The following ETV6 variants were observed in gnomAD, a reference collection of about 807,000 sequenced individuals.
ETV6 encodes the protein transcription factor ETV6.
ETV6 carries 16 observed loss-of-function variants against 51.1 expected under a neutral mutation model. The ratio of observed to expected loss-of-function variants is 0.31; its 90% CI spans 0.21 to 0.48. ETV6 has a LOEUF of 0.48. Among genes scored for constraint, ETV6 ranks in the 20% least tolerant of loss-of-function variants. The probability of loss-of-function intolerance (pLI) is 0.99; values close to 1 mark genes in which losing one functional copy is unlikely to be tolerated. For missense variants in ETV6, 458 were observed against 594.8 expected, an observed-to-expected ratio of 0.77 and a Z score of 2.39; for synonymous variants, 240 against 224.1, an observed-to-expected ratio of 1.07 and a Z score of -0.64.
At chr12:11,853,646 T>C in intron 4 of ETV6, 85 bp downstream of exon 4, 1 of 1,469,396 alleles carries the variant, frequency 6.8e-7, no homozygotes, top group Non-Finnish European at 9.4e-7. Flanking sequence ...CTGGTCTTCT[T>C]CGTGTAAGTT....
chr12:11,814,378 T>C (rs926746144), intron 2 of ETV6, among the ~76,000 whole-genome samples: 1 of 152,244 alleles, frequency 6.6e-6, no homozygotes, highest in Non-Finnish European at 1.5e-5. Context: ...TTCAATACTT[T>C]GGGTTCAAAC....
chr12:11,804,045 CTT>C (rs553242475), intron 2 of ETV6, among the ~76,000 whole-genome samples: 23 of 152,260 alleles, frequency 1.5e-4, no homozygotes, highest in African/African-American at 4.8e-4. Flanking sequence ...ACTTTGGACT[CTT>C]TGACAGATTT....
intron 1 of ETV6, among the ~76,000 whole-genome samples, chr12:11,664,372 G>A (rs915697788): frequency 1.3e-5 from 2 of 152,012 alleles, no homozygotes; most frequent in African/African-American, 4.8e-5. Flanking sequence ...ACTGCCAAGA[G>A]ATGTTGATGA....
At chr12:11,885,614 A>G (rs570631034) in intron 6 of ETV6, among the ~76,000 whole-genome samples, 171 of 152,370 alleles carry the variant, frequency 1.1e-3, no homozygotes, top group African/African-American at 3.5e-3. Flanking sequence ...CAGGCGGAGC[A>G]GAGAGCGGTC....
chr12:11,697,111 A>G (rs942732614), intron 1 of ETV6, among the ~76,000 whole-genome samples: 3 of 152,294 alleles, frequency 2.0e-5, no homozygotes, highest in African/African-American at 7.2e-5. Context: ...GATTACATAG[A>G]TTGTGACTAC....
chr12:11,840,581 C>G, intron 3 of ETV6: 1 of 450,356 alleles, frequency 2.2e-6, no homozygotes, highest in South Asian at 1.6e-5. Flanking sequence ...ATAAACTAAC[C>G]GTCATGAGGA....
chr12:11,804,958 A>G (rs1027589270), intron 2 of ETV6, among the ~76,000 whole-genome samples: 7 of 152,274 alleles, frequency 4.6e-5, no homozygotes, highest in South Asian at 2.1e-4. Flanking sequence ...AGCTTTTACC[A>G]TGAAGATTTC....
chr12:11,844,510 A>G (rs1301980144), intron 3 of ETV6, among the ~76,000 whole-genome samples: 3 of 152,244 alleles, frequency 2.0e-5, no homozygotes, highest in African/African-American at 7.2e-5. Context: ...TCAAAGTTAA[A>G]CTGAAAATAC....
intron 5 of ETV6, 117 bp from the exon 6 acceptor site, chr12:11,884,328 A>ACAAT (rs1364816978): frequency 6.3e-6 from 7 of 1,117,642 alleles, no homozygotes; most frequent in Non-Finnish European, 9.2e-6. Flanking sequence ...AGTTAGTTAG[A>ACAAT]CAATCAGTCA....
chr12:11,817,273 C>T (rs1048729610), intron 2 of ETV6, among the ~76,000 whole-genome samples: 1 of 152,154 alleles, frequency 6.6e-6, no homozygotes, highest in Non-Finnish European at 1.5e-5. Flanking sequence ...TGCTTTTGCC[C>T]TTAGATGCCA....
At chr12:11,798,696 T>A (rs1172697070) in intron 2 of ETV6, among the ~76,000 whole-genome samples, 4 of 152,192 alleles carry the variant, frequency 2.6e-5, no homozygotes, top group African/African-American at 9.7e-5. Flanking sequence ...ACAAGAGTAT[T>A]TCTAAATGCT....
chr12:11,787,984 A>G (rs2136379837), intron 2 of ETV6, among the ~76,000 whole-genome samples: 1 of 152,328 alleles, frequency 6.6e-6, no homozygotes, highest in Admixed American at 6.5e-5. Context: ...GTATTACTGG[A>G]AAAAAGTACA....
rs1463310291 is a variant in ETV6, at chr12:11,733,427, A to AAT, written c.34-19022_34-19021insTA. 2.7e-4 allele frequency among the ~76,000 whole-genome samples: 37 copies of AAT among 138,500 alleles called. No individual in the cohort carries two copies. The East Asian group carries it at 4.8e-3, about 18-fold the overall frequency. The allele number at this position is 138,500 out of a possible 152,430, so 90.9% of individuals were successfully genotyped here. The stretch of plus-strand genomic sequence containing the variant: ...CATCTCAAAAAAAAAAAAAAAAAAA[A>AAT]AAAAATTAACCACTTCATTCTTCTT... On this transcript the variant is annotated intron_variant, in intron 1 of 7. Transcript: ENST00000396373.
chr12:11,802,206 G>A (rs1945760434), intron 2 of ETV6, among the ~76,000 whole-genome samples: 1 of 152,158 alleles, frequency 6.6e-6, no homozygotes, highest in African/African-American at 2.4e-5. Flanking sequence ...AAGTCTGGGA[G>A]GGCAAGAAAG....
chr12:11,759,478 A>C (rs1287990454), intron 2 of ETV6, among the ~76,000 whole-genome samples: 1 of 152,220 alleles, frequency 6.6e-6, no homozygotes. Flanking sequence ...TTCTAGACTC[A>C]ACACTGAAAG....
intron 2 of ETV6, among the ~76,000 whole-genome samples, chr12:11,821,828 A>C (rs1324849010): frequency 6.6e-6 from 1 of 152,214 alleles, no homozygotes; most frequent in Non-Finnish European, 1.5e-5. Flanking sequence ...TGTCTGGGCA[A>C]CAGAGGGAGA....
chr12:11,782,659 G>A (rs977306250), intron 2 of ETV6, among the ~76,000 whole-genome samples: 4 of 152,198 alleles, frequency 2.6e-5, no homozygotes, highest in African/African-American at 7.2e-5. Flanking sequence ...TTATGTAGAT[G>A]TGCAAGGTAT....
intron 7 of ETV6, among the ~76,000 whole-genome samples, chr12:11,890,124 ATTTTTT>A (rs34570955): frequency 1.5e-5 from 2 of 131,076 alleles, no homozygotes; most frequent in Non-Finnish European, 3.2e-5. Context: ...ATTGTAAAAG[ATTTTTT>A]TTTTTTTTTT....
chr12:11,687,256 C>T (rs1307898947), intron 1 of ETV6, among the ~76,000 whole-genome samples: 7 of 149,724 alleles, frequency 4.7e-5, no homozygotes, highest in Non-Finnish European at 1.0e-4. Flanking sequence ...CGGCTCCCCG[C>T]TCCCCACGCC....
Sources: gnomAD v4.1 joint callset for allele counts (sites outside exome capture counted in the v4.1 genomes callset) on GRCh38, gnomAD v4.1.1 for gene constraint, MANE v1.5 for transcripts, NCBI Gene and HGNC (gene_info 2026-07-23, HGNC 2026-07-21) for gene names.